Variants in DSC1 observed in about 807,000 individuals in gnomAD.
DSC1 encodes the protein desmocollin 1.
Under a neutral mutation model 98.8 loss-of-function variants are expected in DSC1, and 79 were observed. The observed-to-expected ratio is 0.80, with a 90% CI of 0.67 to 0.96. The LOEUF (loss-of-function observed/expected upper bound fraction) is 0.96, where lower values mean the gene tolerates loss of function less well. DSC1 is among the 50% of genes least tolerant of loss of function. The pLI is 0.00. For synonymous variants in DSC1, 405 were observed against 372.1 expected (o/e 1.09, Z -1.02); for missense variants, 1,115 against 1,075.9 (o/e 1.04, Z -0.51).
At chr18:31,154,663 G>T in intron 5 of DSC1, 111 bp downstream of exon 5, 1 of 1,006,728 alleles carries the variant, frequency 9.9e-7, no homozygotes, top group Non-Finnish European at 1.4e-6. Flanking sequence ...TTAATATCTT[G>T]AATATTAAAT....
In DSC1 at chr18:31,130,745, T is replaced by TA. The variant is rs547250397; in HGVS notation, c.2488-35dup. 868 of 1,611,904 alleles carry TA rather than the reference T, an allele frequency of 5.4e-4. 6 individuals carry two copies. The East Asian group carries it at 0.016, about 29-fold the overall frequency. ...AAAAAGAGCACATTTTATTATTTTTTAAAAAACACCTAAACATATTAGCAG... is the reference window on the plus strand; with the variant it reads ...AAAAAGAGCACATTTTATTATTTTTTAAAAAAACACCTAAACATATTAGCAG... On this transcript the variant is annotated intron_variant, in intron 15 of 15. Transcript: ENST00000257198.
At chr18:31,158,585 A>G (rs1232231370) in intron 2 of DSC1, among the ~76,000 whole-genome samples, 1 of 152,170 alleles carries the variant, frequency 6.6e-6, no homozygotes, top group East Asian at 1.9e-4. Context: ...TTGATGAAAA[A>G]AATTTTACGT....
chr18:31,146,448 A>G (rs556713317), intron 6 of DSC1, among the ~76,000 whole-genome samples: 14 of 152,266 alleles, frequency 9.2e-5, no homozygotes, highest in Non-Finnish European at 1.2e-4. Context: ...ATAGTATTCT[A>G]TGGCATTTGT....
intron 1 of DSC1, among the ~76,000 whole-genome samples, chr18:31,160,631 A>G (rs1167919580): frequency 6.6e-6 from 1 of 152,164 alleles, no homozygotes; most frequent in Non-Finnish European, 1.5e-5. Flanking sequence ...TAATTTAAAA[A>G]CCACTTTTTA....
chr18:31,133,280 A>G (rs889731664), intron 13 of DSC1, among the ~76,000 whole-genome samples: 5 of 152,048 alleles, frequency 3.3e-5, no homozygotes, highest in Non-Finnish European at 7.4e-5. Context: ...GAAAGAGAAA[A>G]AGGCAGTCTT....
chr18:31,135,118 A>G (rs187236014), intron 11 of DSC1, among the ~76,000 whole-genome samples: 3 of 152,218 alleles, frequency 2.0e-5, no homozygotes, highest in South Asian at 4.2e-4. Flanking sequence ...TAGAATACAA[A>G]CACTTTACAT....
In DSC1 at chr18:31,134,706, ACTT is replaced by A. The variant is rs746045784; in HGVS notation, c.1739_1741del (p.Glu580del). On this transcript the variant is annotated inframe_deletion, in exon 12 of 16. Transcript: ENST00000257198. ...ATCCTCATTATTCTGACAAATGGTCACTTCTTTGTCAATTTGAGGTGCGTGATC... is the reference window on the plus strand; with the variant it reads ...ATCCTCATTATTCTGACAAATGGTCACTTTGTCAATTTGAGGTGCGTGATC... 1.2e-6 allele frequency: 2 copies of A among 1,613,234 alleles called. No homozygotes were observed. Among genetic ancestry groups the A allele is most frequent in the Non-Finnish European group, 8.5e-7 (1 of 1,179,530 alleles).
chr18:31,153,721 C>T (rs938031035), intron 5 of DSC1, among the ~76,000 whole-genome samples: 29 of 152,100 alleles, frequency 1.9e-4, no homozygotes, highest in African/African-American at 6.3e-4. Context: ...CACACTCTTC[C>T]TTAGCTTCAA....
chr18:31,154,252 G>A (rs1347170768), intron 5 of DSC1, among the ~76,000 whole-genome samples: 1 of 148,480 alleles, frequency 6.7e-6, no homozygotes, highest in African/African-American at 2.5e-5. Flanking sequence ...TCTCATTGCT[G>A]AAGAATAGTG....
intron 5 of DSC1, among the ~76,000 whole-genome samples, chr18:31,150,345 C>CCACCATTATCATCACCAT (rs1988960530): frequency 2.0e-5 from 1 of 50,406 alleles, no homozygotes. Flanking sequence ...ACTACCATCA[C>CCACCATTATCATCACCAT]CACCACCACC....
At chr18:31,156,283 CA>C (rs1989096958) in intron 3 of DSC1, 121 bp from the exon 4 acceptor site, 1 of 1,204,172 alleles carries the variant, frequency 8.3e-7, no homozygotes, top group Non-Finnish European at 1.2e-6. Flanking sequence ...CATGGCTAGT[CA>C]GCAAAGCATT....
chr18:31,143,637 GAATA>G lies in DSC1; in HGVS notation c.1074+16_1074+19del, dbSNP rs752404425. The G allele has an allele frequency of 1.2e-5, 18 of 1,509,234 alleles. No homozygotes were observed. In the Admixed American group the frequency reaches 2.2e-4, roughly 18 times the overall value. 93.5% of individuals were successfully genotyped at this position (1,509,234 alleles called of 1,614,324 possible). ...AAAAAGTAGATAAATCTAGATGAAT[GAATA>G]GAGAGGTATACTCACAGAAGTTTCT... is the stretch of plus-strand genomic sequence containing the variant. On this transcript the variant is annotated intron_variant, in intron 8 of 15. Transcript: ENST00000257198.
At chr18:31,139,432 T>C (rs562365360) in intron 11 of DSC1, among the ~76,000 whole-genome samples, 2 of 152,152 alleles carry the variant, frequency 1.3e-5, no homozygotes, top group Non-Finnish European at 2.9e-5. Context: ...TCCTTGAGTA[T>C]GCCACCATTT....
rs548476489 is a variant in DSC1 at position 31,144,944 on chromosome 18, T to C, written c.939+667A>G. On this transcript the variant is annotated intron_variant, in intron 7 of 15. Coordinates refer to ENST00000257198, the MANE Select transcript of DSC1 (RefSeq NM_024421.2). ...GTCTGTATTTTCTTTTTCTTTCTTT[T>C]TTTTTTTTTTTTTGAGACGGAGTCT... is the stretch of plus-strand genomic sequence containing the variant. Among the ~76,000 whole-genome samples, 14 of 145,066 alleles carry C rather than the reference T, an allele frequency of 9.7e-5. No homozygotes were observed. In the East Asian group the frequency reaches 2.5e-3, roughly 26 times the overall value.
At chr18:31,154,664 A>C (rs190241646) in intron 5 of DSC1, 110 bp downstream of exon 5, 1 of 1,015,540 alleles carries the variant, frequency 9.8e-7, no homozygotes, top group Non-Finnish European at 1.4e-6. Flanking sequence ...TAATATCTTG[A>C]ATATTAAATC....
At position 31,130,461 on chromosome 18, in the gene DSC1, G is replaced by A. The variant is rs974084966; in HGVS notation, c.*53C>T. The A allele has an allele frequency of 2.6e-5, 42 of 1,593,214 alleles. No homozygotes were observed. The highest frequency in any genetic ancestry group is 3.4e-5 in the Non-Finnish European group (40 of 1,164,274). ...AGCAGATGCTGCTAACATTCTGCAA[G>A]TAATAAATTCCTACTTATGCATCTG... On this transcript the variant is annotated 3_prime_UTR_variant, in exon 16 of 16. Transcript: ENST00000257198.
In DSC1 at chr18:31,148,482, T is replaced by C. The variant is rs867173875; in HGVS notation, c.772+16A>G. 1.9e-6 allele frequency: 3 copies of C among 1,573,972 alleles called. No homozygotes were observed. The highest frequency in any genetic ancestry group is 3.4e-4 in the Middle Eastern group (2 of 5,886). ...AAATAGTCTTCTTGTCATGCTACAA[T>C]AAAATGTGAACTTACCGGATCGGCA... is the stretch of plus-strand genomic sequence containing the variant. On this transcript the variant is annotated intron_variant, in intron 6 of 15. Coordinates refer to ENST00000257198, the MANE Select transcript of DSC1 (RefSeq NM_024421.2).
intron 6 of DSC1, among the ~76,000 whole-genome samples, chr18:31,148,249 A>G (rs1354407836): frequency 6.6e-6 from 1 of 152,170 alleles, no homozygotes; most frequent in Admixed American, 6.5e-5. Context: ...ATCATGATAT[A>G]AAAGGGAAAA....
At chr18:31,143,595 T>C in intron 8 of DSC1, 62 bp downstream of exon 8, 1 of 1,350,778 alleles carries the variant, frequency 7.4e-7, no homozygotes, top group South Asian at 2.0e-5. Flanking sequence ...GCTACCAAAT[T>C]CTAGACATGT....
Sources: allele counts gnomAD v4.1 joint callset (sites outside exome capture counted in the v4.1 genomes callset), GRCh38; gene constraint gnomAD v4.1.1; transcripts MANE v1.5; gene names NCBI Gene and HGNC (gene_info 2026-07-23, HGNC 2026-07-21).